SLC2A13: variants seen among roughly 807,000 people sequenced by gnomAD.
SLC2A13 encodes proton myo-inositol cotransporter.
In SLC2A13, 32 loss-of-function variants were observed where a neutral mutation model predicts 64.4. The observed-to-expected ratio is 0.50, with a 90% confidence interval of 0.37 to 0.67. The LOEUF (loss-of-function observed/expected upper bound fraction) is 0.67, where lower values mean the gene tolerates loss of function less well. Ranked by LOEUF, SLC2A13 falls within the 30% of genes least tolerant of loss-of-function variation. The pLI is 0.00. For missense variants in SLC2A13, 743 were observed against 829.2 expected (o/e 0.90, Z 1.28); for synonymous variants, 338 against 327.1 (o/e 1.03, Z -0.36).
chr12:39,912,450 G>A (rs1945446859), intron 4 of SLC2A13, among the ~76,000 whole-genome samples: 1 of 152,006 alleles, frequency 6.6e-6, no homozygotes, highest in Admixed American at 6.5e-5. Context: ...ACCAAACTTA[G>A]CAAATAAAAC....
intron 1 of SLC2A13, among the ~76,000 whole-genome samples, chr12:40,066,577 C>G (rs1342821374): frequency 6.6e-6 from 1 of 152,090 alleles, no homozygotes; most frequent in Non-Finnish European, 1.5e-5. Context: ...AATAAAATGC[C>G]ATGCCTACAT....
At chr12:39,993,819 A>G (rs1450466323) in intron 3 of SLC2A13, among the ~76,000 whole-genome samples, 1 of 152,218 alleles carries the variant, frequency 6.6e-6, no homozygotes, top group Non-Finnish European at 1.5e-5. Context: ...AAAGCCTACA[A>G]ATATTTCCAA....
chr12:39,938,400 C>CT (rs1446168853), intron 4 of SLC2A13, among the ~76,000 whole-genome samples: 1 of 131,340 alleles, frequency 7.6e-6, no homozygotes, highest in Non-Finnish European at 1.8e-5. Flanking sequence ...TTTAAAGAAA[C>CT]TTTAAAAAAA....
intron 6 of SLC2A13, among the ~76,000 whole-genome samples, chr12:39,846,768 A>G (rs1943326449): frequency 6.6e-6 from 1 of 152,154 alleles, no homozygotes; most frequent in Non-Finnish European, 1.5e-5. Context: ...AATTTGTTTA[A>G]GCCTCAGTGT....
intron 7 of SLC2A13, among the ~76,000 whole-genome samples, chr12:39,779,148 G>A (rs572462265): frequency 2.6e-4 from 40 of 152,274 alleles, no homozygotes; most frequent in Middle Eastern, 3.4e-3. Context: ...GCCTATGGGC[G>A]GGGTGCAACT....
rs924133661 is a variant in SLC2A13, at chr12:39,823,015, G to A, written c.1445+7088C>T. ...TCTGCAATATAGTCACTAAATCCAA[G>A]GGAGTCTAAATTTCTGAACCTGAAA... On this transcript the variant is annotated intron_variant, in intron 7 of 9. Transcript: ENST00000280871. 6.6e-5 allele frequency among the ~76,000 whole-genome samples: 10 copies of A among 152,266 alleles called. No individual in the cohort carries two copies. The South Asian group carries it at 1.9e-3, about 28-fold the overall frequency.
chr12:40,002,332 A>C (rs992930197), intron 3 of SLC2A13, among the ~76,000 whole-genome samples: 2 of 152,212 alleles, frequency 1.3e-5, no homozygotes, highest in African/African-American at 4.8e-5. Context: ...ACATTTAAAA[A>C]GTGGCAAAGT....
At chr12:39,979,974 C>T (rs1357651111) in intron 3 of SLC2A13, among the ~76,000 whole-genome samples, 2 of 149,746 alleles carry the variant, frequency 1.3e-5, no homozygotes, top group African/African-American at 4.9e-5. Context: ...CAGCGGATCT[C>T]TCGGCAGAAA....
intron 3 of SLC2A13, among the ~76,000 whole-genome samples, chr12:39,997,615 G>A (rs1947253649): frequency 6.6e-6 from 1 of 152,138 alleles, no homozygotes; most frequent in South Asian, 2.1e-4. Flanking sequence ...CAGATCACGA[G>A]GTCAAGAGAT....
At chr12:39,818,075 A>C (rs866720652) in intron 7 of SLC2A13, among the ~76,000 whole-genome samples, 3 of 152,160 alleles carry the variant, frequency 2.0e-5, no homozygotes, top group Non-Finnish European at 2.9e-5. Context: ...TACCTCCTGC[A>C]TTCTTACACT....
intron 4 of SLC2A13, among the ~76,000 whole-genome samples, chr12:39,937,972 T>C (rs953824): frequency 0.21 from 31,551 of 152,044 alleles, 3,823 homozygotes; most frequent in African/African-American, 0.33. Flanking sequence ...TTCCTGAATT[T>C]TGAAAATAGA....
At chr12:40,097,061 A>G (rs900989257) in intron 1 of SLC2A13, among the ~76,000 whole-genome samples, 3 of 152,140 alleles carry the variant, frequency 2.0e-5, no homozygotes, top group African/African-American at 7.2e-5. Flanking sequence ...TTTAATTCAT[A>G]CTTAAACTAA....
rs565706547 is a variant in SLC2A13 at position 39,827,825 on chromosome 12, T to C, written c.1445+2278A>G. Among the ~76,000 whole-genome samples, 3 of 152,288 alleles carry C rather than the reference T, an allele frequency of 2.0e-5. No homozygotes were observed. In the South Asian group the frequency reaches 6.2e-4, roughly 32 times the overall value. On this transcript the variant is annotated intron_variant, in intron 7 of 9. Transcript: ENST00000280871. Reference sequence around the variant, plus strand: ...TTTCATTATATTGACAATTCAGAGTTCATCAACATTATTATACTATTTCCA... The same window carrying C: ...TTTCATTATATTGACAATTCAGAGTCCATCAACATTATTATACTATTTCCA...
chr12:39,825,857 T>C (rs548100219), intron 7 of SLC2A13, among the ~76,000 whole-genome samples: 4 of 152,272 alleles, frequency 2.6e-5, no homozygotes, highest in African/African-American at 9.6e-5. Flanking sequence ...TTCTAACCTC[T>C]TGTGGATCTG....
intron 6 of SLC2A13, among the ~76,000 whole-genome samples, chr12:39,862,193 AAGG>A (rs1356802302): frequency 6.6e-6 from 1 of 152,216 alleles, no homozygotes; most frequent in East Asian, 1.9e-4. Flanking sequence ...ATATTCTAAA[AAGG>A]AGATGTCCTC....
At chr12:40,073,047 C>T (rs773655043) in intron 1 of SLC2A13, among the ~76,000 whole-genome samples, 2 of 151,972 alleles carry the variant, frequency 1.3e-5, no homozygotes, top group Non-Finnish European at 2.9e-5. Context: ...TGTGCTGGCC[C>T]TAGAGTTTGC....
chr12:39,985,763 T>C (rs1328233851), intron 3 of SLC2A13, among the ~76,000 whole-genome samples: 2 of 152,084 alleles, frequency 1.3e-5, no homozygotes, highest in Non-Finnish European at 2.9e-5. Context: ...TCAACAAAAA[T>C]CAAACTCCAA....
At chr12:40,001,558 T>C (rs552695273) in intron 3 of SLC2A13, among the ~76,000 whole-genome samples, 1 of 152,168 alleles carries the variant, frequency 6.6e-6, no homozygotes, top group Non-Finnish European at 1.5e-5. Context: ...AAATGAAACT[T>C]GGTAGTTAAA....
At chr12:40,040,387 G>A (rs1396792279) in intron 2 of SLC2A13, among the ~76,000 whole-genome samples, 1 of 152,108 alleles carries the variant, frequency 6.6e-6, no homozygotes, top group Non-Finnish European at 1.5e-5. Flanking sequence ...CAGCACTAAG[G>A]TATTTACTTT....
Sources: gnomAD v4.1 joint callset for allele counts (sites outside exome capture counted in the v4.1 genomes callset) on GRCh38, gnomAD v4.1.1 for gene constraint, MANE v1.5 for transcripts, NCBI Gene and HGNC (gene_info 2026-07-23, HGNC 2026-07-21) for gene names.